Variants in CEP128 observed in about 807,000 individuals in gnomAD.
The protein encoded by CEP128 is centrosomal protein 128.
A neutral mutation model predicts 156.7 loss-of-function variants in CEP128; 132 were observed. That is an observed-to-expected ratio of 0.84 (90% CI 0.73 to 0.97). The LOEUF (loss-of-function observed/expected upper bound fraction) is 0.97, where lower values mean the gene tolerates loss of function less well. Ranked by LOEUF, CEP128 falls within the 50% of genes least tolerant of loss-of-function variation. The pLI is 0.00. For missense variants in CEP128, 1,252 were observed against 1,281.9 expected (o/e 0.98, Z 0.36); for synonymous variants, 469 against 448.9 (o/e 1.04, Z -0.57).
chr14:80,566,282 A>T (rs1350279057), intron 20 of CEP128, among the ~76,000 whole-genome samples: 1 of 152,122 alleles, frequency 6.6e-6, no homozygotes, highest in African/African-American at 2.4e-5. Context: ...AAATACAAAT[A>T]TATATATTTT....
At position 80,895,787 on chromosome 14, in the gene CEP128, T is replaced by C. The variant is rs1889320571; in HGVS notation, c.576A>G (p.Ser192=). Residue 192 remains serine, a synonymous_variant, in exon 8 of 25, where the codon TCA becomes TCG. Transcript: ENST00000555265. ...FNRELSRRSR[S]DAETKRALEE... is the part of the protein sequence containing the mutation. ...CCAAAGCCCTTTTTGTTTCGGCATC[T>C]GACCTAGGAAGAAAAAAAAAAAAAA... The C allele has an allele frequency of 2.1e-6, 3 of 1,458,368 alleles. No individual in the cohort carries two copies. The highest frequency in any genetic ancestry group is 1.7e-5 in the African/African-American group (1 of 57,148). The allele number at this position is 1,458,368 out of a possible 1,614,324, so 90.3% of individuals were successfully genotyped here.
Position 80,904,900 on chromosome 14 carries a change from G to C in CEP128, c.393C>G (p.Leu131=), listed in dbSNP as rs763692747. 1 of 1,609,938 alleles carries C rather than the reference G, an allele frequency of 6.2e-7. No individual in the cohort carries two copies. Among genetic ancestry groups the C allele is most frequent in the Non-Finnish European group, 8.5e-7 (1 of 1,176,236 alleles). ...ELHHFPPTSP[L]KDYGDPQGIK... The stretch of plus-strand genomic sequence containing the variant: ...TACCCTGTGGATCCCCATAGTCCTT[G>C]AGAGGTGAGGTAGGTGGAAAATGAT... Residue 131 remains leucine (L), a synonymous_variant, in exon 6 of 25, where the codon CTC becomes CTG. Coordinates refer to ENST00000555265, the MANE Select transcript of CEP128 (RefSeq NM_152446.5).
chr14:80,697,227 T>C (rs1896922228), intron 19 of CEP128, among the ~76,000 whole-genome samples: 2 of 152,120 alleles, frequency 1.3e-5, no homozygotes, highest in Admixed American at 1.3e-4. Context: ...CTCTCAGAGA[T>C]ATAAAATTTC....
At chr14:80,950,874 A>C (rs8009120) in intron 2 of CEP128, among the ~76,000 whole-genome samples, 98,894 of 146,820 alleles carry the variant, frequency 0.67, 34,703 homozygotes, top group African/African-American at 0.88. Flanking sequence ...TGCTCTCAAC[A>C]AGTGACAAAA....
At chr14:80,740,715 C>G (rs1433786376) in intron 19 of CEP128, among the ~76,000 whole-genome samples, 1 of 152,142 alleles carries the variant, frequency 6.6e-6, no homozygotes, top group East Asian at 1.9e-4. Flanking sequence ...ACCTGTAGTA[C>G]TTTCCCTTTT....
chr14:80,683,417 ACC>A (rs1896401318), intron 19 of CEP128, among the ~76,000 whole-genome samples: 1 of 148,368 alleles, frequency 6.7e-6, no homozygotes, highest in African/African-American at 2.7e-5. Flanking sequence ...AAGAAGACTT[ACC>A]TATCCTATAT....
At chr14:80,670,952 G>C (rs1655860555) in intron 19 of CEP128, among the ~76,000 whole-genome samples, 1 of 152,106 alleles carries the variant, frequency 6.6e-6, no homozygotes, top group Non-Finnish European at 1.5e-5. Flanking sequence ...TGATTCAATA[G>C]TACTAATTGT....
intron 19 of CEP128, among the ~76,000 whole-genome samples, chr14:80,709,686 T>C (rs915359590): frequency 4.6e-5 from 7 of 152,202 alleles, no homozygotes; most frequent in Non-Finnish European, 1.0e-4. Context: ...CTAATATGCC[T>C]TTCATTTCTT....
chr14:80,733,427 A>T lies in CEP128; in HGVS notation c.2806+9648T>A, dbSNP rs568300885. ...ATACATAGAAACACACCCTATTGCT[A>T]CTGTTTCTGGAGAACCCAGACTAAT... On this transcript the variant is annotated intron_variant, in intron 19 of 24. Coordinates refer to ENST00000555265, the MANE Select transcript of CEP128 (RefSeq NM_152446.5). 4.0e-5 allele frequency among the ~76,000 whole-genome samples: 6 copies of T among 150,926 alleles called. 1 individual carries two copies. The highest frequency in any genetic ancestry group is 1.5e-4 in the African/African-American group (6 of 40,982).
chr14:80,612,200 T>C lies in CEP128; in HGVS notation c.2807-31777A>G, dbSNP rs956033639. ...TTTTAATTATTCTGAAACATGGTGT[T>C]TTTTTGTCAAATATTCTTGATAGAT... On this transcript the variant is annotated intron_variant, in intron 19 of 24. Transcript: ENST00000555265. Among the ~76,000 whole-genome samples, 3 of 152,222 alleles carry C rather than the reference T, an allele frequency of 2.0e-5. No homozygotes were observed. The South Asian group carries it at 6.2e-4, about 32-fold the overall frequency.
intron 8 of CEP128, among the ~76,000 whole-genome samples, chr14:80,893,231 G>A (rs1889186018): frequency 6.6e-6 from 1 of 151,814 alleles, no homozygotes; most frequent in Non-Finnish European, 1.5e-5. Context: ...GACACAGAAA[G>A]AAAAATATTG....
intron 19 of CEP128, among the ~76,000 whole-genome samples, chr14:80,616,091 G>C (rs1893200811): frequency 6.6e-6 from 1 of 152,144 alleles, no homozygotes; most frequent in Non-Finnish European, 1.5e-5. Context: ...AGTAAAGGTC[G>C]CCGGTGGCCT....
intron 19 of CEP128, among the ~76,000 whole-genome samples, chr14:80,648,586 T>C (rs916899341): frequency 2.6e-5 from 4 of 152,006 alleles, no homozygotes; most frequent in African/African-American, 9.7e-5. Context: ...AATATACTAA[T>C]AAAAAATAGC....
Position 80,831,351 on chromosome 14 carries a change from T to C in CEP128, c.1058-57A>G, listed in dbSNP as rs1885788038. 6 of 1,542,230 alleles carry C rather than the reference T, an allele frequency of 3.9e-6. No individual in the cohort carries two copies. The South Asian group carries it at 5.7e-5, about 15-fold the overall frequency. ...GTTCTTTATTCACAGAAGAATGTAC[T>C]TTCAAATAGTACTGAGCCCTGATGT... is the stretch of plus-strand genomic sequence containing the variant. On this transcript the variant is annotated intron_variant, in intron 12 of 24. Coordinates refer to ENST00000555265, the MANE Select transcript of CEP128 (RefSeq NM_152446.5).
chr14:80,709,238 A>G (rs2139401636), intron 19 of CEP128, among the ~76,000 whole-genome samples: 1 of 151,812 alleles, frequency 6.6e-6, no homozygotes, highest in African/African-American at 2.4e-5. Flanking sequence ...TCCCGGGTTC[A>G]AGTGATTCTC....
chr14:80,869,164 G>T (rs1289921359), intron 8 of CEP128, among the ~76,000 whole-genome samples: 1 of 152,026 alleles, frequency 6.6e-6, no homozygotes, highest in East Asian at 1.9e-4. Context: ...TCAAACAGCA[G>T]CAGAATACAC....
intron 19 of CEP128, among the ~76,000 whole-genome samples, chr14:80,740,729 A>G (rs1898790041): frequency 6.6e-6 from 1 of 152,144 alleles, no homozygotes; most frequent in Admixed American, 6.5e-5. Context: ...CCCTTTTATA[A>G]CTATTCAGAA....
intron 19 of CEP128, among the ~76,000 whole-genome samples, chr14:80,684,508 C>T (rs1214995500): frequency 1.3e-5 from 2 of 152,014 alleles, no homozygotes; most frequent in East Asian, 3.9e-4. Flanking sequence ...GCAAATTCTA[C>T]CAGATGTACA....
rs1887510510 is a variant in CEP128, at chr14:80,496,721, GC to G, written c.*757del. 6.6e-6 allele frequency: 1 copy of G among 152,132 alleles called. No homozygotes were observed. Among genetic ancestry groups the G allele is most frequent in the African/African-American group, 2.4e-5 (1 of 41,436 alleles). The allele number at this position is 152,132 out of a possible 1,614,324, so 9.4% of individuals were successfully genotyped here. ...AATCTCATGGACAAAGGAGTTTGGT[GC>G]TATGATTTTAGTCACAGTAAACCAA... On this transcript the variant is annotated 3_prime_UTR_variant, in exon 25 of 25. Transcript: ENST00000555265.
Sources: allele counts gnomAD v4.1 joint callset (sites outside exome capture counted in the v4.1 genomes callset), GRCh38; gene constraint gnomAD v4.1.1; transcripts MANE v1.5; gene names NCBI Gene and HGNC (gene_info 2026-07-23, HGNC 2026-07-21).